Variants in CNTN4 observed in about 807,000 individuals in gnomAD.
The protein encoded by CNTN4 is contactin 4, also known as contactin-4.
CNTN4 carries 77 observed loss-of-function variants against 122.5 expected under a neutral mutation model. The observed-to-expected ratio is 0.63, with a 90% CI of 0.52 to 0.76. CNTN4 has a LOEUF of 0.76. Among genes scored for constraint, CNTN4 ranks in the 30% least tolerant of loss-of-function variants. CNTN4 has a pLI of 0.00. For missense variants in CNTN4, 1,256 were observed against 1,259.1 expected, an observed-to-expected ratio of 1.00 and a Z score of 0.04; for synonymous variants, 512 against 447.0, an observed-to-expected ratio of 1.15 and a Z score of -1.83.
chr3:2,916,929 A>T (rs1299171552), intron 12 of CNTN4, among the ~76,000 whole-genome samples: 3 of 146,418 alleles, frequency 2.0e-5, no homozygotes, highest in Non-Finnish European at 3.0e-5. Context: ...CAGTCTCGGC[A>T]CTTTGGGAGG....
chr3:2,435,640 A>C (rs1046416919), intron 3 of CNTN4, among the ~76,000 whole-genome samples: 2 of 152,162 alleles, frequency 1.3e-5, no homozygotes, highest in Admixed American at 6.6e-5. Context: ...TAGTTCTCCC[A>C]AAAAATGCTA....
rs1166374325 is a variant in CNTN4, at chr3:3,009,085, A to G, written c.1487-17017A>G. 6 of 955,124 alleles carry G rather than the reference A, an allele frequency of 6.3e-6. No homozygotes were observed. The East Asian group carries it at 3.5e-4, about 55-fold the overall frequency. 59.2% of individuals were successfully genotyped at this position (955,124 alleles called of 1,614,324 possible). On this transcript the variant is annotated intron_variant, in intron 14 of 24. Coordinates refer to ENST00000418658, the MANE Select transcript of CNTN4 (RefSeq NM_175607.3). ...CAAGAGCACCACCTCCGGAGCCACA[A>G]TTAGGGAAGTACCATGCCTTGCCCT...
intron 3 of CNTN4, among the ~76,000 whole-genome samples, chr3:2,463,570 G>C (rs1391018321): frequency 6.6e-6 from 1 of 152,078 alleles, no homozygotes; most frequent in African/African-American, 2.4e-5. Context: ...GACCAGCCTG[G>C]GCAACATGGT....
chr3:2,709,508 G>A lies in CNTN4; in HGVS notation c.56-26707G>A, dbSNP rs145552769. ...CCCCGCAATTACAGGGTTTTATATC[G>A]TTTGCCTCAGGCTAAAGATTTATGC... is the stretch of plus-strand genomic sequence containing the variant. On this transcript the variant is annotated intron_variant, in intron 4 of 24. Transcript: ENST00000418658. The surrounding 1 kb of genome is among the most constrained non-coding windows in gnomAD (Gnocchi z 5.0). 2.3e-4 allele frequency among the ~76,000 whole-genome samples: 35 copies of A among 152,230 alleles called. 1 individual carries two copies. Among genetic ancestry groups the A allele is most frequent in the Admixed American group, 7.8e-4 (12 of 15,296 alleles).
At chr3:2,950,010 A>G (rs1478481289) in intron 13 of CNTN4, among the ~76,000 whole-genome samples, 1 of 152,212 alleles carries the variant, frequency 6.6e-6, no homozygotes. Flanking sequence ...CAATTTGAGG[A>G]AGGGGAGCAA....
Position 2,772,958 on chromosome 3 carries a change from G to T in CNTN4, c.358+27261G>T, listed in dbSNP as rs114660367. On this transcript the variant is annotated intron_variant, in intron 6 of 24. Transcript: ENST00000418658. ...AGAGAGCAGATATTTTCAGGAAGCA[G>T]TTGAAAATGTCCAGTACAACAGAGA... Among the ~76,000 whole-genome samples the T allele has an allele frequency of 1.2e-3, 183 of 152,300 alleles. 1 individual carries two copies. Among genetic ancestry groups the T allele is most frequent in the African/African-American group, 4.2e-3 (174 of 41,558 alleles).
At chr3:2,127,790 T>G (rs1432578246) in intron 2 of CNTN4, among the ~76,000 whole-genome samples, 2 of 152,190 alleles carry the variant, frequency 1.3e-5, no homozygotes, top group Non-Finnish European at 2.9e-5. Flanking sequence ...AATCTGCCAG[T>G]GTTTAAAAGG....
rs71058616 is a variant in CNTN4 at position 2,400,450 on chromosome 3, T to TATATA, written c.-89+61217_-89+61218insATATA. 7.7e-4 allele frequency among the ~76,000 whole-genome samples: 101 copies of TATATA among 131,608 alleles called. 4 individuals are homozygous for TATATA. The highest frequency in any genetic ancestry group is 4.0e-3 in the Middle Eastern group (1 of 252). 86.3% of individuals were successfully genotyped at this position (131,608 alleles called of 152,430 possible). On this transcript the variant is annotated intron_variant, in intron 3 of 24. Transcript: ENST00000418658. ...ATACATATATATATATATATATATA[T>TATATA]CTCTTTTTTTCCTTCTTCTTAAATT...
chr3:2,577,207 C>A (rs1312379444), intron 4 of CNTN4, among the ~76,000 whole-genome samples: 1 of 152,140 alleles, frequency 6.6e-6, no homozygotes, highest in African/African-American at 2.4e-5. Context: ...TTAGCCTCTA[C>A]TTTTAGGGGA....
chr3:2,901,460 C>T (rs2094172665), intron 11 of CNTN4, among the ~76,000 whole-genome samples: 1 of 152,094 alleles, frequency 6.6e-6, no homozygotes, highest in African/African-American at 2.4e-5. Flanking sequence ...AGAAAGGGGA[C>T]TGTTTTGCCT....
At chr3:2,584,344 A>G (rs550609215) in intron 4 of CNTN4, among the ~76,000 whole-genome samples, 2 of 152,096 alleles carry the variant, frequency 1.3e-5, no homozygotes, top group Non-Finnish European at 2.9e-5. Context: ...TTTTCCAGGT[A>G]TCTATTCTTC....
Position 2,351,866 on chromosome 3 carries a change from A to G in CNTN4, c.-89+12633A>G, listed in dbSNP as rs376607066. On this transcript the variant is annotated intron_variant, in intron 3 of 24. Transcript: ENST00000418658. Reference sequence around the variant, plus strand: ...TGTTGGTCAAAAGGTACAAAGTTTCATGTATAGACAAGAGGAATAGGTTTT... The same window carrying G: ...TGTTGGTCAAAAGGTACAAAGTTTCGTGTATAGACAAGAGGAATAGGTTTT... Among the ~76,000 whole-genome samples the G allele has an allele frequency of 3.9e-5, 6 of 152,098 alleles. No individual in the cohort carries two copies. The East Asian group carries it at 1.2e-3, about 29-fold the overall frequency.
At chr3:2,419,014 A>G (rs147549363) in intron 3 of CNTN4, among the ~76,000 whole-genome samples, 6 of 152,204 alleles carry the variant, frequency 3.9e-5, no homozygotes, top group South Asian at 2.1e-4. Flanking sequence ...GGAAAAGTCA[A>G]ATTATTTAAA....
intron 3 of CNTN4, among the ~76,000 whole-genome samples, chr3:2,476,321 G>C (rs9854471): frequency 0.39 from 58,766 of 151,964 alleles, 11,928 homozygotes; most frequent in East Asian, 0.64. Context: ...CGTTTCCACT[G>C]CAGGATCTTG....
intron 3 of CNTN4, among the ~76,000 whole-genome samples, chr3:2,470,686 A>G (rs1026197929): frequency 1.3e-5 from 2 of 152,212 alleles, no homozygotes; most frequent in Admixed American, 6.5e-5. Flanking sequence ...AATAGTCTCT[A>G]ACCCATAAGA....
chr3:2,996,234 C>A (rs892463055), intron 14 of CNTN4, among the ~76,000 whole-genome samples: 2 of 151,948 alleles, frequency 1.3e-5, no homozygotes, highest in Admixed American at 1.3e-4. Flanking sequence ...TGTGTTAAAG[C>A]CTTCTAATTC....
chr3:2,639,422 C>T (rs2082806883), intron 4 of CNTN4, among the ~76,000 whole-genome samples: 1 of 152,208 alleles, frequency 6.6e-6, no homozygotes, highest in African/African-American at 2.4e-5. Context: ...GCTCAGACCT[C>T]ACCTTCTTAA....
At chr3:2,528,580 A>T (rs1213510414) in intron 3 of CNTN4, among the ~76,000 whole-genome samples, 1 of 152,176 alleles carries the variant, frequency 6.6e-6, no homozygotes, top group Non-Finnish European at 1.5e-5. Flanking sequence ...GACCCATTTT[A>T]TTAAACGTAA....
chr3:2,120,738 C>G (rs772616522), intron 2 of CNTN4, among the ~76,000 whole-genome samples: 1 of 151,856 alleles, frequency 6.6e-6, no homozygotes. Flanking sequence ...GTGACTCTCA[C>G]GAGTGTGGAC....
Sources: gnomAD v4.1 joint callset for allele counts (sites outside exome capture counted in the v4.1 genomes callset) on GRCh38, gnomAD v4.1.1 for gene constraint, Gnocchi (gnomAD v3.1) non-coding constraint, MANE v1.5 for transcripts, NCBI Gene and HGNC (gene_info 2026-07-23, HGNC 2026-07-21) for gene names.